NEBL: variants seen among roughly 807,000 people sequenced by gnomAD.
NEBL encodes the protein nebulette.
NEBL carries 122 observed loss-of-function variants against 140.2 expected under a neutral mutation model. That is an observed-to-expected ratio of 0.87 (90% CI 0.75 to 1.01). The LOEUF is 1.01. Among genes scored for constraint, NEBL ranks in the 50% least tolerant of loss-of-function variants. The pLI, the probability that NEBL is intolerant of heterozygous loss-of-function variation, is 0.00. For missense variants in NEBL, 1,365 were observed against 1,231.3 expected (o/e 1.11, Z -1.62); for synonymous variants, 436 against 398.9 (o/e 1.09, Z -1.11).
chr10:21,285,159 C>T (rs1470013537), intron 1 of NEBL, among the ~76,000 whole-genome samples: 1 of 152,084 alleles, frequency 6.6e-6, no homozygotes, highest in Non-Finnish European at 1.5e-5. Context: ...TTCTGTTTTT[C>T]GAAGGACAGA....
rs150592437 is a variant in NEBL at position 21,139,266 on chromosome 10, A to G, written c.164+33117T>C. ...AGAGAAGGGCATTTTCATTAGCATG[A>G]AGCTTTGGAGTTGTGGCCAAAGGTT... On this transcript the variant is annotated intron_variant, in intron 2 of 6. Coordinates refer to the NEBL transcript ENST00000417816. Among the ~76,000 whole-genome samples the G allele has an allele frequency of 4.2e-3, 647 of 152,304 alleles. 5 individuals carry two copies. Among genetic ancestry groups the G allele is most frequent in the African/African-American group, 0.015 (603 of 41,568 alleles).
rs145049147 is a variant in NEBL at position 20,882,535 on chromosome 10, T to C, written c.370-1631A>G. The stretch of plus-strand genomic sequence containing the variant: ...ACACCTTTTTATCCTGTGCCTAACA[T>C]AGTGAATGACAGAGTAGAAATGCAA... On this transcript the variant is annotated intron_variant, in intron 4 of 27. Transcript: ENST00000377122. Among the ~76,000 whole-genome samples the C allele has an allele frequency of 6.2e-3, 948 of 152,278 alleles. 8 individuals are homozygous for C. Among genetic ancestry groups the C allele is most frequent in the African/African-American group, 0.021 (867 of 41,560 alleles).
chr10:20,970,481 C>A lies in NEBL; in HGVS notation c.250-8702G>T, dbSNP rs755327739. 2.0e-5 allele frequency among the ~76,000 whole-genome samples: 3 copies of A among 151,628 alleles called. 1 individual carries two copies. The South Asian group carries it at 6.2e-4, about 32-fold the overall frequency. On this transcript the variant is annotated intron_variant, in intron 3 of 6. Coordinates refer to the NEBL transcript ENST00000417816. ...CAGTGAGACCTTGTCTCTGCTCCCC[C>A]CACCAAAAAAAAAAATTAGCTGGAC...
At chr10:21,252,493 C>T (rs1054487289) in intron 1 of NEBL, among the ~76,000 whole-genome samples, 38 of 152,118 alleles carry the variant, frequency 2.5e-4, no homozygotes, top group African/African-American at 8.2e-4. Flanking sequence ...AGTTTTGGAT[C>T]TTGTAATTCA....
Position 20,831,043 on chromosome 10 carries a change from G to A in NEBL, c.1671+153C>T. ...GACTGTTGTCCTATTAATTAGTACG[G>A]TTAATCAAGTTTGGCCAATGGTTTC... On this transcript the variant is annotated intron_variant, in intron 16 of 27. Transcript: ENST00000377122. 4.4e-6 allele frequency: 3 copies of A among 679,066 alleles called. No individual in the cohort carries two copies. In the South Asian group the frequency reaches 4.9e-5, roughly 11 times the overall value. The allele number at this position is 679,066 out of a possible 1,614,324, so 42.1% of individuals were successfully genotyped here.
chr10:21,267,341 T>C (rs1842808800), intron 1 of NEBL, among the ~76,000 whole-genome samples: 1 of 152,124 alleles, frequency 6.6e-6, no homozygotes, highest in Non-Finnish European at 1.5e-5. Context: ...CTCAAACTCC[T>C]GACCTCAAGT....
chr10:20,878,338 T>A (rs1225498438), intron 5 of NEBL, among the ~76,000 whole-genome samples: 1 of 152,198 alleles, frequency 6.6e-6, no homozygotes, highest in African/African-American at 2.4e-5. Context: ...TTCAGGTGAA[T>A]CAGATACACA....
intron 2 of NEBL, 42 bp from the exon 3 acceptor site, chr10:20,889,991 A>T: frequency 7.6e-7 from 1 of 1,317,996 alleles, no homozygotes; most frequent in South Asian, 1.2e-5. Flanking sequence ...AAAAAGAAAA[A>T]CAATTCTAAT....
At chr10:21,068,749 A>G (rs1210880336) in intron 2 of NEBL, among the ~76,000 whole-genome samples, 1 of 152,268 alleles carries the variant, frequency 6.6e-6, no homozygotes, top group African/African-American at 2.4e-5. Flanking sequence ...AGAAGGAAAT[A>G]GGGAGAAGGA....
intron 2 of NEBL, among the ~76,000 whole-genome samples, chr10:21,128,193 A>G (rs1482165050): frequency 6.6e-6 from 1 of 152,202 alleles, no homozygotes; most frequent in Non-Finnish European, 1.5e-5. Context: ...AACACCAACC[A>G]TCACTTGTTT....
chr10:21,164,964 A>G (rs988792280), intron 2 of NEBL, among the ~76,000 whole-genome samples: 36 of 152,222 alleles, frequency 2.4e-4, no homozygotes, highest in African/African-American at 8.2e-4. Context: ...TGCTAACTAG[A>G]ACTCTAACAT....
At chr10:21,043,347 A>C (rs990047579) in intron 2 of NEBL, among the ~76,000 whole-genome samples, 1 of 152,250 alleles carries the variant, frequency 6.6e-6, no homozygotes, top group African/African-American at 2.4e-5. Flanking sequence ...CAGCCCTGTC[A>C]GAATTTTGAA....
At chr10:20,971,714 C>T (rs987968363) in intron 3 of NEBL, among the ~76,000 whole-genome samples, 13 of 151,198 alleles carry the variant, frequency 8.6e-5, no homozygotes, top group African/African-American at 2.7e-4. Context: ...CCCGGCTTCA[C>T]GCCATTCTCC....
At chr10:21,057,541 C>CCTTTT (rs1835076571) in intron 2 of NEBL, among the ~76,000 whole-genome samples, 1 of 129,752 alleles carries the variant, frequency 7.7e-6, no homozygotes, top group African/African-American at 2.7e-5. Flanking sequence ...CAATGAAATT[C>CCTTTT]CTTTTTTTTT....
At chr10:20,847,176 A>G (rs1054416698) in intron 11 of NEBL, among the ~76,000 whole-genome samples, 15 of 152,126 alleles carry the variant, frequency 9.9e-5, no homozygotes. Flanking sequence ...ATTTAAAAAT[A>G]TTTTTTACAC....
At chr10:20,787,038 G>C (rs1301496404) in intron 27 of NEBL, among the ~76,000 whole-genome samples, 164 bp downstream of exon 27, 5 of 152,148 alleles carry the variant, frequency 3.3e-5, no homozygotes, top group Non-Finnish European at 7.4e-5. Flanking sequence ...ACCTCTGTAA[G>C]TTTTTTGCTT....
intron 2 of NEBL, among the ~76,000 whole-genome samples, chr10:21,034,926 T>A (rs574016943): frequency 6.6e-6 from 1 of 151,796 alleles, no homozygotes; most frequent in South Asian, 2.1e-4. Flanking sequence ...AAGCCCAGCA[T>A]GCACTAGCTA....
intron 3 of NEBL, among the ~76,000 whole-genome samples, chr10:21,205,025 A>G (rs951335456): frequency 3.3e-5 from 5 of 152,216 alleles, no homozygotes; most frequent in Admixed American, 6.5e-5. Flanking sequence ...TCCTGCTTCA[A>G]TCAGTCAGAG....
intron 3 of NEBL, among the ~76,000 whole-genome samples, chr10:21,210,255 G>A (rs372039935): frequency 2.7e-4 from 41 of 152,244 alleles, no homozygotes; most frequent in African/African-American, 9.4e-4. Context: ...TTAGCTGGGT[G>A]TGGTGGCAGG....
Sources: allele counts gnomAD v4.1 joint callset (sites outside exome capture counted in the v4.1 genomes callset), GRCh38; gene constraint gnomAD v4.1.1; transcripts MANE v1.5; gene names NCBI Gene and HGNC (gene_info 2026-07-23, HGNC 2026-07-21).